NFIA: variants seen among roughly 807,000 people sequenced by gnomAD.
The protein encoded by NFIA is nuclear factor 1 A-type.
A neutral mutation model predicts 62.8 loss-of-function variants in NFIA; 8 were observed. The observed-to-expected ratio is 0.13, with a 90% CI of 0.07 to 0.23. The LOEUF (loss-of-function observed/expected upper bound fraction) is 0.23. Among genes scored for constraint, NFIA ranks in the 10% least tolerant of loss-of-function variants. NFIA has a pLI of 1.00. For synonymous variants in NFIA, 235 were observed against 238.1 expected, an observed-to-expected ratio of 0.99 and a Z score of 0.12; for missense variants, 410 against 642.1, an observed-to-expected ratio of 0.64 and a Z score of 3.91.
intron 2 of NFIA, among the ~76,000 whole-genome samples, chr1:61,148,110 T>C (rs1364239245): frequency 6.6e-6 from 1 of 152,132 alleles, no homozygotes; most frequent in African/African-American, 2.4e-5. Context: ...GTGGTACAGG[T>C]ATCCTGAGAC....
At chr1:61,297,374 C>T (rs1659243205) in intron 3 of NFIA, among the ~76,000 whole-genome samples, 2 of 152,080 alleles carry the variant, frequency 1.3e-5, no homozygotes, top group South Asian at 4.1e-4. Flanking sequence ...TTCGATCAGC[C>T]CCATCATTGC....
chr1:61,362,325 C>T (rs1248572689), intron 6 of NFIA, among the ~76,000 whole-genome samples: 1 of 152,194 alleles, frequency 6.6e-6, no homozygotes, highest in East Asian at 1.9e-4. Context: ...AATGCACCAG[C>T]AGCCTCTTGG....
At chr1:61,442,041 T>A (rs925630763) in intron 10 of NFIA, among the ~76,000 whole-genome samples, 3 of 152,146 alleles carry the variant, frequency 2.0e-5, no homozygotes, top group African/African-American at 7.2e-5. Flanking sequence ...CTAATGCTCC[T>A]CAGCCCTGGG....
chr1:61,363,853 C>T (rs1180019466), intron 6 of NFIA, among the ~76,000 whole-genome samples: 3 of 152,110 alleles, frequency 2.0e-5, no homozygotes, highest in Admixed American at 2.0e-4. Context: ...TAGCTCATCA[C>T]ACAGGCCCTC....
intron 2 of NFIA, among the ~76,000 whole-genome samples, chr1:61,146,912 TG>T (rs1329969152): frequency 6.6e-6 from 1 of 152,104 alleles, no homozygotes; most frequent in Non-Finnish European, 1.5e-5. Context: ...AAGTAGGGTG[TG>T]ATGAGGTTGG....
At chr1:61,308,231 T>C (rs2100343207) in intron 3 of NFIA, among the ~76,000 whole-genome samples, 1 of 152,324 alleles carries the variant, frequency 6.6e-6, no homozygotes, top group East Asian at 1.9e-4. Context: ...CACATTTTCT[T>C]TCTAGTAATG....
intron 2 of NFIA, among the ~76,000 whole-genome samples, chr1:61,170,741 G>C (rs1257821523): frequency 6.6e-6 from 1 of 152,210 alleles, no homozygotes; most frequent in African/African-American, 2.4e-5. Flanking sequence ...TTAGAAGAGG[G>C]TCTGAACTGA....
intron 3 of NFIA, among the ~76,000 whole-genome samples, chr1:61,315,372 G>T (rs1370036612): frequency 6.6e-6 from 1 of 152,142 alleles, no homozygotes; most frequent in East Asian, 1.9e-4. Flanking sequence ...AATTGAACTC[G>T]CATACATATA....
At chr1:61,398,868 T>A (rs933465686) in intron 7 of NFIA, among the ~76,000 whole-genome samples, 3 of 152,316 alleles carry the variant, frequency 2.0e-5, no homozygotes, top group South Asian at 4.1e-4. Flanking sequence ...TTAGGTGGGG[T>A]ATAATGGTGT....
At chr1:61,122,471 C>T (rs1335367561) in intron 2 of NFIA, among the ~76,000 whole-genome samples, 1 of 152,134 alleles carries the variant, frequency 6.6e-6, no homozygotes, top group Non-Finnish European at 1.5e-5. Context: ...ACTATTCTCT[C>T]CTGACATAAA....
At position 61,088,782 on chromosome 1, in the gene NFIA, G is replaced by T; in HGVS notation, c.559+102G>T. ...TCTTCCTGAGCTCCCCAAGTTGCAG[G>T]CCACGTACATGAAGCCAGTGTGGTT... is the stretch of plus-strand genomic sequence containing the variant. On this transcript the variant is annotated intron_variant, in intron 2 of 10. Coordinates refer to ENST00000403491, the MANE Select transcript of NFIA (RefSeq NM_001134673.4). This position sits in a 1 kb window ranked among gnomAD's most constrained non-coding sequence, Gnocchi z 4.5. The T allele has an allele frequency of 7.5e-7, 1 of 1,335,946 alleles. No individual in the cohort carries two copies. Among genetic ancestry groups the T allele is most frequent in the East Asian group, 2.3e-5 (1 of 43,270 alleles). The allele number at this position is 1,335,946 out of a possible 1,614,324, so 82.8% of individuals were successfully genotyped here.
At chr1:61,277,415 C>A in intron 2 of NFIA, 105 bp from the exon 3 acceptor site, 3 of 950,656 alleles carry the variant, frequency 3.2e-6, no homozygotes, top group Admixed American at 4.3e-5. Context: ...CTGTAATGTT[C>A]CCTTTCTTAG....
At chr1:61,095,843 AC>A (rs1646401753) in intron 2 of NFIA, among the ~76,000 whole-genome samples, 1 of 152,164 alleles carries the variant, frequency 6.6e-6, no homozygotes, top group Non-Finnish European at 1.5e-5. Context: ...TATTTTAAAA[AC>A]TAAATTGCAT....
intron 2 of NFIA, among the ~76,000 whole-genome samples, chr1:61,193,884 G>A (rs1235093496): frequency 6.6e-6 from 1 of 152,138 alleles, no homozygotes; most frequent in Non-Finnish European, 1.5e-5. Context: ...ACATTCTTAA[G>A]AGAATGCCTC....
Position 61,406,543 on chromosome 1 carries a change from G to GGGGGGGCCCC in NFIA, c.1255-19_1255-18insGGGGGGCCCC. 1 of 876,652 alleles carries GGGGGGGCCCC rather than the reference G, an allele frequency of 1.1e-6. No individual in the cohort carries two copies. Among genetic ancestry groups the GGGGGGGCCCC allele is most frequent in the Non-Finnish European group, 1.5e-6 (1 of 653,742 alleles). The allele number at this position is 876,652 out of a possible 1,614,324, so 54.3% of individuals were successfully genotyped here. A position where few individuals can be genotyped will look rare whatever the true frequency, so the allele number is the denominator to read the frequency against. ...TCTTTTTCTTGTACGTGTGTTTTCT[G>GGGGGGGCCCC]CCCCCCCCCCCCCCACAGCCCAATG... is the stretch of plus-strand genomic sequence containing the variant. On this transcript the variant is annotated intron_variant, in intron 8 of 10. Coordinates refer to ENST00000403491, the MANE Select transcript of NFIA (RefSeq NM_001134673.4).
chr1:61,383,433 A>G, intron 7 of NFIA, 68 bp downstream of exon 7: 4 of 1,592,704 alleles, frequency 2.5e-6, no homozygotes, highest in Non-Finnish European at 3.4e-6. Context: ...TAGCAAAATG[A>G]GAAACAATGA....
intron 2 of NFIA, among the ~76,000 whole-genome samples, chr1:61,127,075 G>A (rs1175317540): frequency 6.7e-6 from 1 of 148,310 alleles, no homozygotes; most frequent in Non-Finnish European, 1.5e-5. Flanking sequence ...AAATAGAATC[G>A]CTTGAACCCA....
At chr1:61,164,952 G>C (rs534893087) in intron 2 of NFIA, among the ~76,000 whole-genome samples, 2 of 152,276 alleles carry the variant, frequency 1.3e-5, no homozygotes, top group East Asian at 3.9e-4. Flanking sequence ...TAAAGTGAAG[G>C]TATCATTTGG....
chr1:61,343,589 C>T (rs752552799), intron 4 of NFIA, among the ~76,000 whole-genome samples: 3 of 152,170 alleles, frequency 2.0e-5, no homozygotes, highest in Non-Finnish European at 2.9e-5. Flanking sequence ...AGTTCATTTT[C>T]ACATAGAGGG....
Sources: gnomAD v4.1 joint callset for allele counts (sites outside exome capture counted in the v4.1 genomes callset) on GRCh38, gnomAD v4.1.1 for gene constraint, Gnocchi (gnomAD v3.1) non-coding constraint, MANE v1.5 for transcripts, NCBI Gene and HGNC (gene_info 2026-07-23, HGNC 2026-07-21) for gene names.